Variants in CPA6 observed in about 807,000 individuals in gnomAD.
The protein encoded by CPA6 is carboxypeptidase B.
Under a neutral mutation model 63.3 loss-of-function variants are expected in CPA6, and 58 were observed. The ratio of observed to expected loss-of-function variants is 0.92; its 90% confidence interval spans 0.74 to 1.14. The LOEUF (loss-of-function observed/expected upper bound fraction) is 1.14, where lower values mean the gene tolerates loss of function less well. Among genes scored for constraint, CPA6 ranks in the 50% most tolerant of loss-of-function variants. The pLI, the probability that CPA6 is intolerant of heterozygous loss-of-function variation, is 0.00. For missense variants in CPA6, 565 were observed against 526.6 expected, an observed-to-expected ratio of 1.07 and a Z score of -0.71; for synonymous variants, 185 against 179.0, an observed-to-expected ratio of 1.03 and a Z score of -0.27.
chr8:67,564,979 C>G (rs185855078), intron 2 of CPA6, among the ~76,000 whole-genome samples: 312 of 152,174 alleles, frequency 2.1e-3, no homozygotes, highest in Non-Finnish European at 3.0e-3. Context: ...AACTGAGAAC[C>G]GCAGCGTGGT....
chr8:67,556,650 C>T (rs927904650), intron 2 of CPA6, among the ~76,000 whole-genome samples: 68 of 152,324 alleles, frequency 4.5e-4, no homozygotes, highest in African/African-American at 1.6e-3. Context: ...GAAAGCACCC[C>T]AGCTATGAGC....
intron 2 of CPA6, among the ~76,000 whole-genome samples, chr8:67,518,735 T>G (rs2128966964): frequency 6.6e-6 from 1 of 152,150 alleles, no homozygotes; most frequent in Non-Finnish European, 1.5e-5. Context: ...GGTCTTGAAC[T>G]CCTGACCTCA....
chr8:67,650,637 A>G (rs1815814912), intron 1 of CPA6, among the ~76,000 whole-genome samples: 1 of 152,144 alleles, frequency 6.6e-6, no homozygotes, highest in African/African-American at 2.4e-5. Flanking sequence ...TCACTTCTGC[A>G]TTGTAGCTGG....
chr8:67,630,735 G>A (rs764227831), intron 1 of CPA6, among the ~76,000 whole-genome samples: 2 of 152,192 alleles, frequency 1.3e-5, no homozygotes, highest in Admixed American at 1.3e-4. Flanking sequence ...GGAGAGGCAC[G>A]GGCAGGAACC....
intron 8 of CPA6, among the ~76,000 whole-genome samples, chr8:67,458,141 A>G (rs1404693318): frequency 6.6e-6 from 1 of 152,228 alleles, no homozygotes; most frequent in African/African-American, 2.4e-5. Flanking sequence ...GAAAAACTCT[A>G]AAACTCATAG....
chr8:67,664,197 A>G (rs1202296239), intron 1 of CPA6, among the ~76,000 whole-genome samples: 12 of 152,254 alleles, frequency 7.9e-5, no homozygotes, highest in Admixed American at 5.2e-4. Context: ...TAAGACTGCC[A>G]TTCTTAAATT....
At chr8:67,541,925 C>T (rs566924457) in intron 2 of CPA6, among the ~76,000 whole-genome samples, 4 of 152,316 alleles carry the variant, frequency 2.6e-5, no homozygotes, top group Non-Finnish European at 5.9e-5. Context: ...GAGCTGCGGA[C>T]GAGAGCTGTT....
At chr8:67,462,225 G>GA (rs59674877) in intron 8 of CPA6, among the ~76,000 whole-genome samples, 26,532 of 151,440 alleles carry the variant, frequency 0.18, 2,936 homozygotes, top group African/African-American at 0.3. Context: ...ATCCATCTGT[G>GA]AAAAAAAATC....
intron 1 of CPA6, among the ~76,000 whole-genome samples, chr8:67,672,784 T>A (rs1816377478): frequency 1.3e-5 from 2 of 152,250 alleles, no homozygotes; most frequent in African/African-American, 4.8e-5. Context: ...AATGATGTTT[T>A]GCTTTTAAAA....
At chr8:67,476,429 T>C (rs1811238978) in intron 8 of CPA6, among the ~76,000 whole-genome samples, 1 of 152,166 alleles carries the variant, frequency 6.6e-6, no homozygotes, top group African/African-American at 2.4e-5. Flanking sequence ...TGACATCTCA[T>C]GGGTTTGTAA....
chr8:67,588,565 T>G (rs1814011805), intron 2 of CPA6, among the ~76,000 whole-genome samples: 1 of 152,170 alleles, frequency 6.6e-6, no homozygotes, highest in South Asian at 2.1e-4. Context: ...AATCCCTAAT[T>G]ACTACACTGA....
At chr8:67,651,258 T>C (rs1194777070) in intron 1 of CPA6, among the ~76,000 whole-genome samples, 2 of 152,136 alleles carry the variant, frequency 1.3e-5, no homozygotes, top group African/African-American at 4.8e-5. Context: ...CTTTTTAATG[T>C]GTAAGTACCA....
chr8:67,433,009 A>G (rs1810062265), intron 9 of CPA6, among the ~76,000 whole-genome samples: 1 of 152,188 alleles, frequency 6.6e-6, no homozygotes, highest in African/African-American at 2.4e-5. Context: ...GTAGTCAGTG[A>G]CCAAATGGAA....
At chr8:67,607,534 T>G (rs1422346813) in intron 2 of CPA6, among the ~76,000 whole-genome samples, 1 of 152,038 alleles carries the variant, frequency 6.6e-6, no homozygotes, top group Non-Finnish European at 1.5e-5. Context: ...CCCAGATTCC[T>G]TTTTATTTCT....
At chr8:67,458,909 G>A (rs745513390) in intron 8 of CPA6, among the ~76,000 whole-genome samples, 28 of 152,190 alleles carry the variant, frequency 1.8e-4, no homozygotes, top group Non-Finnish European at 3.2e-4. Context: ...TGGTGAAGAC[G>A]TGGAGCAACA....
intron 1 of CPA6, among the ~76,000 whole-genome samples, chr8:67,649,943 A>G (rs946017603): frequency 6.6e-6 from 1 of 152,200 alleles, no homozygotes; most frequent in African/African-American, 2.4e-5. Context: ...AAGGGAAACG[A>G]GGACAAAGAA....
At chr8:67,559,290 T>C (rs1813144147) in intron 2 of CPA6, among the ~76,000 whole-genome samples, 1 of 152,204 alleles carries the variant, frequency 6.6e-6, no homozygotes, top group Non-Finnish European at 1.5e-5. Flanking sequence ...GGAATGATTT[T>C]CCAGGGATAG....
chr8:67,687,629 G>A (rs1313457315), intron 1 of CPA6, among the ~76,000 whole-genome samples: 1 of 152,142 alleles, frequency 6.6e-6, no homozygotes, highest in Non-Finnish European at 1.5e-5. Context: ...TAGGAAGCAT[G>A]TATCTAATGA....
At chr8:67,578,166 C>A (rs537655583) in intron 2 of CPA6, among the ~76,000 whole-genome samples, 3 of 152,246 alleles carry the variant, frequency 2.0e-5, no homozygotes, top group South Asian at 4.2e-4. Context: ...TGTTTACTGA[C>A]CTTTGTTCTA....
Sources: allele counts gnomAD v4.1 joint callset (sites outside exome capture counted in the v4.1 genomes callset), GRCh38; gene constraint gnomAD v4.1.1; transcripts MANE v1.5; gene names NCBI Gene and HGNC (gene_info 2026-07-23, HGNC 2026-07-21).